GLI2: variants seen among roughly 807,000 people sequenced by gnomAD.
GLI2 encodes GLI family zinc finger 2.
Under a neutral mutation model 78.9 loss-of-function variants are expected in GLI2, and 22 were observed. The observed-to-expected ratio is 0.28, with a 90% CI of 0.20 to 0.40. GLI2 has a LOEUF of 0.40. Ranked by LOEUF, GLI2 falls within the 10% of genes least tolerant of loss-of-function variation. The pLI is 1.00. For synonymous variants in GLI2, 974 were observed against 963.7 expected (o/e 1.01, Z -0.20); for missense variants, 2,097 against 2,213.2 (o/e 0.95, Z 1.05).
chr2:120,795,605 G>A (rs938975530), intron 1 of GLI2, among the ~76,000 whole-genome samples: 9 of 151,630 alleles, frequency 5.9e-5, no homozygotes, highest in South Asian at 2.1e-4. Context: ...TGAGGGCCCC[G>A]GGAGTGGAGC....
At chr2:120,753,615 C>T (rs1330658556) in intron 1 of GLI2, among the ~76,000 whole-genome samples, 4 of 151,928 alleles carry the variant, frequency 2.6e-5, no homozygotes, top group African/African-American at 9.7e-5. Flanking sequence ...AAGCTATTTC[C>T]AGGCTGGGCG....
chr2:120,939,281 GAA>G (rs987242287), intron 3 of GLI2, among the ~76,000 whole-genome samples: 1 of 143,420 alleles, frequency 7.0e-6, no homozygotes. Flanking sequence ...CTCCATCTCA[GAA>G]AAAAAAAAAG....
At chr2:120,809,268 G>T (rs1245905438) in intron 2 of GLI2, among the ~76,000 whole-genome samples, 2 of 152,182 alleles carry the variant, frequency 1.3e-5, no homozygotes, top group Non-Finnish European at 2.9e-5. Flanking sequence ...GGGCATAAAA[G>T]CACAAATATT....
chr2:120,984,547 C>T lies in GLI2; in HGVS notation c.1709C>T (p.Thr570Met), dbSNP rs202040905. The T allele has an allele frequency of 4.9e-5, 79 of 1,614,216 alleles. No homozygotes were observed. Among genetic ancestry groups the T allele is most frequent in the African/African-American group, 1.6e-4 (12 of 75,058 alleles). The change falls in exon 12 of 14, where the codon ACG becomes ATG. Residue 570 changes from threonine (T) to methionine (M), a missense_variant. By Grantham distance (81) the Thr-to-Met change is moderately conservative (BLOSUM62 -1). Coordinates refer to ENST00000361492, the MANE Select transcript of GLI2 (RefSeq NM_001374353.1). ...AGCTCTCTCCGGAAGCATGTGAAAA[C>T]GGTCCACGGCCCAGATGCCCACGTC... The part of the protein sequence containing the change: ...DPSSLRKHVK[T>M]VHGPDAHVTK...
chr2:120,973,976 G>C (rs990525920), intron 8 of GLI2, among the ~76,000 whole-genome samples: 3 of 152,204 alleles, frequency 2.0e-5, no homozygotes, highest in African/African-American at 7.2e-5. Flanking sequence ...CCCGGAGCCA[G>C]TGGGGGTTAG....
At position 120,970,903 on chromosome 2, in the gene GLI2, C is replaced by T. The variant is rs149032660; in HGVS notation, c.1059+297C>T. 5.9e-3 allele frequency among the ~76,000 whole-genome samples: 903 copies of T among 152,316 alleles called. 7 individuals are homozygous for T. The highest frequency in any genetic ancestry group is 0.021 in the African/African-American group (877 of 41,562). On this transcript the variant is annotated intron_variant, in intron 7 of 13. Transcript: ENST00000361492. ...GAGGCACTCCATGCACAGCACATAG[C>T]ATGGGTGGGTGAGTGAATCATTATA... is the stretch of plus-strand genomic sequence containing the variant.
intron 1 of GLI2, among the ~76,000 whole-genome samples, chr2:120,782,063 A>G (rs1441183258): frequency 6.6e-6 from 1 of 152,090 alleles, no homozygotes; most frequent in Non-Finnish European, 1.5e-5. Flanking sequence ...ACATTTCTGT[A>G]TTTCTCTAAG....
intron 1 of GLI2, among the ~76,000 whole-genome samples, chr2:120,755,355 A>G (rs1044158815): frequency 2.0e-5 from 3 of 152,176 alleles, no homozygotes; most frequent in African/African-American, 7.2e-5. Context: ...ATGACTAGTG[A>G]TGTGATTCTT....
In GLI2 at chr2:120,766,209, A is replaced by G. The variant is rs140978484; in HGVS notation, c.-31+29924A>G. On this transcript the variant is annotated intron_variant, in intron 1 of 13. Coordinates refer to ENST00000361492, the MANE Select transcript of GLI2 (RefSeq NM_001374353.1). ...TCTGTGACCTCGCAGCCTTCGGTCC[A>G]GCTGTGGCGCCTCAGTTTGGACACA... Among the ~76,000 whole-genome samples, 261 of 152,314 alleles carry G rather than the reference A, an allele frequency of 1.7e-3. 1 individual carries two copies. Among genetic ancestry groups the G allele is most frequent in the African/African-American group, 5.8e-3 (243 of 41,574 alleles).
intron 1 of GLI2, among the ~76,000 whole-genome samples, chr2:120,775,528 G>A (rs1200664243): frequency 6.6e-6 from 1 of 152,168 alleles, no homozygotes; most frequent in East Asian, 1.9e-4. Context: ...CCCAGTGCCT[G>A]CCTCGGGGTG....
At chr2:120,958,793 G>T (rs935011280) in intron 5 of GLI2, among the ~76,000 whole-genome samples, 3 of 152,146 alleles carry the variant, frequency 2.0e-5, no homozygotes, top group African/African-American at 7.2e-5. Flanking sequence ...TCCAGCCCCA[G>T]GCCTTTCAAG....
At position 120,883,903 on chromosome 2, in the gene GLI2, A is replaced by G. The variant is rs182928640; in HGVS notation, c.149-43458A>G. ...TATCTCTACGGGGGACTCCCTTCCA[A>G]GGAAAATTGTCTGTGCTCCAGACCC... On this transcript the variant is annotated intron_variant, in intron 2 of 13. Transcript: ENST00000361492. 4.1e-3 allele frequency among the ~76,000 whole-genome samples: 629 copies of G among 152,274 alleles called. 4 individuals are homozygous for G. Among genetic ancestry groups the G allele is most frequent in the Non-Finnish European group, 7.5e-3 (512 of 68,016 alleles).
intron 1 of GLI2, among the ~76,000 whole-genome samples, chr2:120,783,437 G>A (rs1345909160): frequency 6.6e-6 from 1 of 152,254 alleles, no homozygotes; most frequent in South Asian, 2.1e-4. Context: ...TGCAGGCTCC[G>A]TGTAGACTGG....
chr2:120,751,631 C>T (rs1030073219), intron 1 of GLI2, among the ~76,000 whole-genome samples: 6 of 152,088 alleles, frequency 3.9e-5, no homozygotes, highest in Admixed American at 6.5e-5. Context: ...AGAAGGCATT[C>T]TGGACTCCAG....
chr2:120,742,226 C>T (rs1463359316), intron 1 of GLI2, among the ~76,000 whole-genome samples: 1 of 152,186 alleles, frequency 6.6e-6, no homozygotes, highest in African/African-American at 2.4e-5. Flanking sequence ...AAAGGAAGGG[C>T]GGTCCTCTCT....
chr2:120,822,016 C>T (rs1002106535), intron 2 of GLI2, among the ~76,000 whole-genome samples: 6 of 152,220 alleles, frequency 3.9e-5, no homozygotes, highest in African/African-American at 7.2e-5. Context: ...TGTTCCACAC[C>T]TCTGACATGG....
chr2:120,893,404 C>T (rs550442165), intron 2 of GLI2, among the ~76,000 whole-genome samples: 3 of 152,092 alleles, frequency 2.0e-5, no homozygotes, highest in African/African-American at 7.2e-5. Flanking sequence ...GTGCCCCCAG[C>T]CCCCGCTGGC....
intron 2 of GLI2, among the ~76,000 whole-genome samples, chr2:120,906,945 T>C (rs1678564893): frequency 6.6e-6 from 1 of 152,098 alleles, no homozygotes; most frequent in Non-Finnish European, 1.5e-5. Flanking sequence ...TGTCACCCAG[T>C]GGTCACAAGG....
At position 120,989,482 on chromosome 2, in the gene GLI2, G is replaced by A. The variant is rs1196603541; in HGVS notation, c.3517G>A (p.Gly1173Ser). 1.2e-6 allele frequency: 2 copies of A among 1,612,894 alleles called. No individual in the cohort carries two copies. The highest frequency in any genetic ancestry group is 2.2e-5 in the East Asian group (1 of 44,884). ...FGQYPGYSPQ[G>S]LQASPGGLDS... is the part of the protein sequence containing the mutation. ...CCAGTACCCGGGCTACAGTCCGCAAGGCCTACAGGCTAGCCCTGGGGGCCT... is the reference window on the plus strand; with the variant it reads ...CCAGTACCCGGGCTACAGTCCGCAAAGCCTACAGGCTAGCCCTGGGGGCCT... Residue 1173 changes from glycine to serine, a missense_variant, in exon 14 of 14, where the codon GGC becomes AGC. Around this residue, in one of 5 missense-constraint regions of GLI2, gnomAD observed 1,290 missense variants for 1,261.7 expected, o/e 1.02. Transcript: ENST00000361492.
Sources: gnomAD v4.1 joint callset for allele counts (sites outside exome capture counted in the v4.1 genomes callset) on GRCh38, gnomAD v4.1.1 for gene constraint, gnomAD v4.1.1 regional missense constraint, MANE v1.5 for transcripts, NCBI Gene and HGNC (gene_info 2026-07-23, HGNC 2026-07-21) for gene names.